The following PCGF3 variants were observed in gnomAD, a reference collection of about 807,000 sequenced individuals.
PCGF3 encodes polycomb group ring finger 3, also known as polycomb group RING finger protein 3.
A neutral mutation model predicts 33.1 loss-of-function variants in PCGF3; 7 were observed. That is an observed-to-expected ratio of 0.21 (90% CI 0.12 to 0.40). The LOEUF (loss-of-function observed/expected upper bound fraction) is 0.40. Ranked by LOEUF, PCGF3 falls within the 10% of genes least tolerant of loss-of-function variation. PCGF3 has a pLI of 1.00. For missense variants in PCGF3, 211 were observed against 313.3 expected, an observed-to-expected ratio of 0.67 and a Z score of 2.46; for synonymous variants, 153 against 121.3, an observed-to-expected ratio of 1.26 and a Z score of -1.72.
chr4:769,195 C>A (rs954705863), exon 11 of PCGF3: 7 of 152,704 alleles, frequency 4.6e-5, no homozygotes, highest in African/African-American at 1.4e-4. Context: ...GGCCTCAGAC[C>A]ACAAGAGCGG....
rs550689276 is a variant in PCGF3, at chr4:758,252, A to G, written c.463-3027A>G. ...CACAAGCACCCCCACCGCGGCTCTC[A>G]CCGGGCACCCCCTTTCTCCCTGCTT... On this transcript the variant is annotated intron_variant, in intron 8 of 10. Transcript: ENST00000362003. Among the ~76,000 whole-genome samples the G allele has an allele frequency of 1.4e-4, 20 of 143,538 alleles. No individual in the cohort carries two copies. The East Asian group carries it at 4.1e-3, about 29-fold the overall frequency. 94.2% of individuals were successfully genotyped at this position (143,538 alleles called of 152,430 possible).
chr4:723,152 C>T (rs956696418), intron 1 of PCGF3, among the ~76,000 whole-genome samples: 2 of 151,956 alleles, frequency 1.3e-5, no homozygotes, highest in South Asian at 2.1e-4. Context: ...CATCGCCGTC[C>T]GCGCCGGGTC....
In PCGF3 at chr4:764,750, ATATCT is replaced by A. The variant is rs139544828; in HGVS notation, c.601-230_601-226del. On this transcript the variant is annotated intron_variant, in intron 9 of 10. Coordinates refer to ENST00000362003, the Ensembl canonical transcript of PCGF3. ...CTAACTGGCACGGGCCTGCCCTGTAATATCTTATATGTTGCACTGGATTTCCGTTC... is the reference window on the plus strand; with the variant it reads ...CTAACTGGCACGGGCCTGCCCTGTAATATATGTTGCACTGGATTTCCGTTC... 4.5e-3 allele frequency: 2,160 copies of A among 480,384 alleles called. 32 individuals carry two copies. The highest frequency in any genetic ancestry group is 0.033 in the African/African-American group (1,653 of 50,484). 29.8% of individuals were successfully genotyped at this position (480,384 alleles called of 1,614,324 possible).
At chr4:724,982 A>G (rs1440183625) in intron 1 of PCGF3, 1 of 152,080 alleles carries the variant, frequency 6.6e-6, no homozygotes, top group African/African-American at 2.4e-5. Flanking sequence ...AGCAAAGAAA[A>G]GAAATTACTG....
At chr4:749,613 A>C (rs1744424913) in intron 8 of PCGF3, among the ~76,000 whole-genome samples, 1 of 148,162 alleles carries the variant, frequency 6.7e-6, no homozygotes, top group Non-Finnish European at 1.5e-5. Flanking sequence ...CAGCCTCCTA[A>C]GTAGCTGGGA....
At position 737,581 on chromosome 4, in the gene PCGF3, C is replaced by G. The variant is rs1463498724; in HGVS notation, c.262+60C>G. On this transcript the variant is annotated intron_variant, in intron 6 of 10. Transcript: ENST00000362003. ...CCCAGCCTGGCCTCTGCAGCCCCTG[C>G]TCTCCTGGAAGTTTGGTTCTCGGAT... 5.5e-6 allele frequency: 6 copies of G among 1,082,454 alleles called. No individual in the cohort carries two copies. The African/African-American group carries it at 7.8e-5, about 14-fold the overall frequency. 67.1% of individuals were successfully genotyped at this position (1,082,454 alleles called of 1,614,324 possible). A position where few individuals can be genotyped will look rare whatever the true frequency, so the allele number is the denominator to read the frequency against.
At chr4:741,891 G>A (rs997523458) in intron 6 of PCGF3, among the ~76,000 whole-genome samples, 1 of 152,142 alleles carries the variant, frequency 6.6e-6, no homozygotes, top group Non-Finnish European at 1.5e-5. Flanking sequence ...GTGGCCTGTT[G>A]TTCCCGTCAC....
chr4:723,089 C>T (rs117049053), intron 1 of PCGF3, among the ~76,000 whole-genome samples: 5,846 of 146,960 alleles, frequency 0.04, 124 homozygotes, highest in East Asian at 0.086. Context: ...ATCGCCCACC[C>T]GCGCCGGGTC....
At chr4:761,761 C>T (rs1398069742) in intron 9 of PCGF3, 7 of 985,228 alleles carry the variant, frequency 7.1e-6, no homozygotes, top group Non-Finnish European at 7.2e-6. Context: ...AGAGGGAGGA[C>T]CCTTCCAGGC....
chr4:736,854 T>C (rs112440025), intron 5 of PCGF3, among the ~76,000 whole-genome samples: 1,463 of 110,288 alleles, frequency 0.013, 37 homozygotes, highest in Middle Eastern at 0.036. Flanking sequence ...GCAGGGGCGG[T>C]GTCCCCTGAG....
At chr4:738,561 C>T (rs891113520) in intron 6 of PCGF3, among the ~76,000 whole-genome samples, 1 of 150,688 alleles carries the variant, frequency 6.6e-6, no homozygotes, top group Non-Finnish European at 1.5e-5. Flanking sequence ...CTTTAAGAAA[C>T]GTTTGTGGCC....
At chr4:756,812 A>G (rs756287104) in intron 8 of PCGF3, among the ~76,000 whole-genome samples, 4 of 152,146 alleles carry the variant, frequency 2.6e-5, no homozygotes, top group Non-Finnish European at 4.4e-5. Context: ...GCAGGGTTAG[A>G]TCGCAGAGGG....
At chr4:735,137 G>A in intron 5 of PCGF3, 110 bp downstream of exon 5, 3 of 1,265,280 alleles carry the variant, frequency 2.4e-6, no homozygotes, top group South Asian at 1.5e-5. Context: ...TGCCTTGGCA[G>A]CAGCCTCTCC....
At chr4:713,788 G>A (rs747982613) in intron 1 of PCGF3, among the ~76,000 whole-genome samples, 9 of 152,198 alleles carry the variant, frequency 5.9e-5, no homozygotes, top group Non-Finnish European at 1.3e-4. Flanking sequence ...GAATCAGACC[G>A]TAAAAGCTGT....
chr4:744,544 T>G (rs1053392747), intron 7 of PCGF3, 56 bp from the exon 8 acceptor site: 1 of 1,358,624 alleles, frequency 7.4e-7, no homozygotes, highest in Non-Finnish European at 1.0e-6. Context: ...TGTAGTTTTT[T>G]AAATGGCTTG....
chr4:760,933 C>T (rs368520802), intron 8 of PCGF3, among the ~76,000 whole-genome samples: 1 of 152,348 alleles, frequency 6.6e-6, no homozygotes, highest in East Asian at 1.9e-4. Context: ...CGGGGCCGCC[C>T]ACTCCCCTTT....
At chr4:728,648 G>T (rs1743427322) in intron 1 of PCGF3, among the ~76,000 whole-genome samples, 1 of 152,186 alleles carries the variant, frequency 6.6e-6, no homozygotes, top group South Asian at 2.1e-4. Context: ...TGACCTGTTT[G>T]TTAGTTATTG....
At chr4:732,523 G>T (rs1743642755) in intron 3 of PCGF3, 1 of 152,586 alleles carries the variant, frequency 6.6e-6, no homozygotes, top group Non-Finnish European at 1.5e-5. Context: ...CGTAAAGGTG[G>T]TGGCAGAGTG....
intron 1 of PCGF3, among the ~76,000 whole-genome samples, chr4:724,416 T>G (rs1332874982): frequency 6.6e-6 from 1 of 152,194 alleles, no homozygotes; most frequent in Non-Finnish European, 1.5e-5. Flanking sequence ...AGCGGTGCTG[T>G]GGGGGCCATG....
Sources: allele counts gnomAD v4.1 joint callset (sites outside exome capture counted in the v4.1 genomes callset), GRCh38; gene constraint gnomAD v4.1.1; transcripts MANE v1.5; gene names NCBI Gene and HGNC (gene_info 2026-07-23, HGNC 2026-07-21).